The following DPP6 variants were observed in gnomAD, a reference collection of about 807,000 sequenced individuals.
DPP6 encodes the protein A-type potassium channel modulatory protein DPP6.
A neutral mutation model predicts 122.6 loss-of-function variants in DPP6; 69 were observed. The ratio of observed to expected loss-of-function variants is 0.56; its 90% CI spans 0.46 to 0.69. DPP6 has a LOEUF of 0.69. Among genes scored for constraint, DPP6 ranks in the 30% least tolerant of loss-of-function variants. The pLI is 0.00. For missense variants in DPP6, 928 were observed against 1,116.9 expected (o/e 0.83, Z 2.41); for synonymous variants, 418 against 433.1 (o/e 0.97, Z 0.43).
intron 5 of DPP6, among the ~76,000 whole-genome samples, chr7:154,608,358 C>T (rs1486765874): frequency 4.0e-5 from 4 of 98,914 alleles, no homozygotes; most frequent in East Asian, 4.9e-4. Flanking sequence ...GATGGAATCT[C>T]GCTCTGTTAC....
the DPP6 span, among the ~76,000 whole-genome samples, chr7:153,853,043 C>T: frequency 6.6e-6 from 1 of 152,156 alleles, no homozygotes; most frequent in Admixed American, 6.5e-5. Context: ...CTCTGCATAA[C>T]ACCCAGGCTA....
At chr7:154,259,261 A>G (rs766753287) in intron 1 of DPP6, among the ~76,000 whole-genome samples, 5 of 152,358 alleles carry the variant, frequency 3.3e-5, no homozygotes, top group Admixed American at 1.3e-4. Context: ...TAATCTATCA[A>G]TTACATTGAA....
intron 1 of DPP6, among the ~76,000 whole-genome samples, chr7:154,144,461 G>A (rs1009914790): frequency 3.3e-5 from 5 of 152,342 alleles, no homozygotes; most frequent in Admixed American, 1.3e-4. Context: ...GGATCTCTGT[G>A]AATTCAGTTA....
chr7:154,585,235 A>T (rs1832361615), intron 5 of DPP6, among the ~76,000 whole-genome samples: 1 of 152,248 alleles, frequency 6.6e-6, no homozygotes, highest in African/African-American at 2.4e-5. Context: ...ATGCCCGCAT[A>T]GTCTTCATCT....
intron 13 of DPP6, among the ~76,000 whole-genome samples, chr7:154,803,414 G>A (rs535851443): frequency 2.0e-5 from 3 of 152,138 alleles, no homozygotes; most frequent in South Asian, 2.1e-4. Flanking sequence ...AGCAGGGAGC[G>A]CCCTTTCTCC....
At chr7:154,610,672 T>C (rs571570615) in intron 5 of DPP6, among the ~76,000 whole-genome samples, 1 of 150,994 alleles carries the variant, frequency 6.6e-6, no homozygotes, top group Non-Finnish European at 1.5e-5. Context: ...TTCCAATTTA[T>C]GTTTTTTTTT....
At chr7:154,723,281 A>G (rs1206899574) in intron 7 of DPP6, among the ~76,000 whole-genome samples, 1 of 152,154 alleles carries the variant, frequency 6.6e-6, no homozygotes, top group Non-Finnish European at 1.5e-5. Flanking sequence ...AATGTGAAAG[A>G]TCTTCAAAGC....
At chr7:154,581,383 T>C (rs1832058046) in intron 5 of DPP6, among the ~76,000 whole-genome samples, 1 of 152,040 alleles carries the variant, frequency 6.6e-6, no homozygotes. Flanking sequence ...GTAAAGAGCC[T>C]GGAAGGGCCA....
rs796196427 is a variant in DPP6, at chr7:154,028,054, C to T, written c.51+140320C>T. On this transcript the variant is annotated intron_variant, in intron 1 of 25. Coordinates refer to the DPP6 transcript ENST00000404039. ...CAGACCACTGCATGGTGCTTCGTCA[C>T]CACCGGCCGGTGCTCCCATGGGCTG... Among the ~76,000 whole-genome samples the T allele has an allele frequency of 2.7e-3, 405 of 150,968 alleles. 13 individuals are homozygous for T. Among genetic ancestry groups the T allele is most frequent in the African/African-American group, 9.2e-3 (377 of 40,766 alleles).
chr7:153,877,910 A>T, the DPP6 span, among the ~76,000 whole-genome samples: 1 of 151,920 alleles, frequency 6.6e-6, no homozygotes, highest in African/African-American at 2.4e-5. Flanking sequence ...TTTGACAAAT[A>T]AAGATATTAA....
intron 23 of DPP6, among the ~76,000 whole-genome samples, chr7:154,888,839 A>C (rs1448562902): frequency 2.0e-5 from 3 of 152,220 alleles, no homozygotes; most frequent in Admixed American, 2.0e-4. Context: ...GAAGCCTCAC[A>C]ATCATGCTGA....
At chr7:154,016,989 G>A (rs574923496) in intron 1 of DPP6, among the ~76,000 whole-genome samples, 1 of 152,232 alleles carries the variant, frequency 6.6e-6, no homozygotes, top group African/African-American at 2.4e-5. Context: ...ATCATCAAGA[G>A]GTTGGTTAGT....
chr7:153,817,685 A>G, the DPP6 span, among the ~76,000 whole-genome samples: 9 of 144,734 alleles, frequency 6.2e-5, no homozygotes, highest in South Asian at 1.1e-3. Flanking sequence ...CAAACACCAC[A>G]TGTTCTCACT....
At chr7:153,816,238 A>G in the DPP6 span, among the ~76,000 whole-genome samples, 3 of 152,206 alleles carry the variant, frequency 2.0e-5, no homozygotes, top group African/African-American at 7.2e-5. Flanking sequence ...TATAATAAAC[A>G]TACACTTAAA....
intron 1 of DPP6, among the ~76,000 whole-genome samples, chr7:154,062,307 A>G (rs1401280777): frequency 5.7e-5 from 4 of 70,768 alleles, no homozygotes; most frequent in Non-Finnish European, 8.4e-5. Context: ...CCCGGCTCTG[A>G]GGACCCCCAT....
At chr7:154,538,100 A>G (rs1321151984) in intron 3 of DPP6, among the ~76,000 whole-genome samples, 2 of 152,184 alleles carry the variant, frequency 1.3e-5, no homozygotes, top group East Asian at 3.8e-4. Flanking sequence ...AAAACTGTTA[A>G]AAGTACCGGA....
At chr7:154,186,587 C>T (rs977236039) in intron 1 of DPP6, among the ~76,000 whole-genome samples, 1 of 152,174 alleles carries the variant, frequency 6.6e-6, no homozygotes, top group African/African-American at 2.4e-5. Flanking sequence ...ACTTGGGGTC[C>T]CAAGCTAGTA....
intron 1 of DPP6, among the ~76,000 whole-genome samples, chr7:153,912,021 A>C (rs537832944): frequency 6.6e-6 from 1 of 152,342 alleles, no homozygotes; most frequent in South Asian, 2.1e-4. Flanking sequence ...GAATTCAAGA[A>C]GCTAACACAA....
At chr7:154,208,804 C>T (rs1158791118) in intron 1 of DPP6, among the ~76,000 whole-genome samples, 3 of 152,020 alleles carry the variant, frequency 2.0e-5, no homozygotes. Context: ...CAGTCTGGAT[C>T]TCTGTCTCAT....
Sources: gnomAD v4.1 joint callset for allele counts (sites outside exome capture counted in the v4.1 genomes callset) on GRCh38, gnomAD v4.1.1 for gene constraint, MANE v1.5 for transcripts, NCBI Gene and HGNC (gene_info 2026-07-23, HGNC 2026-07-21) for gene names.